The following PCYT1B variants were observed in gnomAD, a reference collection of about 807,000 sequenced individuals.
PCYT1B encodes phosphate cytidylyltransferase 1B, choline.
A neutral mutation model predicts 26.4 loss-of-function variants in PCYT1B; 10 were observed. The ratio of observed to expected loss-of-function variants is 0.38; its 90% CI spans 0.23 to 0.64. The LOEUF is 0.64. PCYT1B is among the 30% of genes least tolerant of loss of function. The pLI, the probability that PCYT1B is intolerant of heterozygous loss-of-function variation, is 0.56. For synonymous variants in PCYT1B, 131 were observed against 108.4 expected, an observed-to-expected ratio of 1.21 and a Z score of -1.29; for missense variants, 161 against 292.7, an observed-to-expected ratio of 0.55 and a Z score of 3.28.
At chrX:24,581,450 T>C (rs1394648954) in intron 5 of PCYT1B, among the ~76,000 whole-genome samples, 1 of 111,637 alleles carries the variant, frequency 9.0e-6, no homozygotes, top group East Asian at 2.8e-4. Flanking sequence ...TCCCCTCCCC[T>C]CACTCTGCCA....
At chrX:24,600,315 C>T (rs1039632136) in intron 3 of PCYT1B, among the ~76,000 whole-genome samples, 3 of 111,582 alleles carry the variant, frequency 2.7e-5, no homozygotes, top group African/African-American at 9.8e-5. Flanking sequence ...ACTGAACAAA[C>T]TGACAAATCT....
chrX:24,604,172 C>T (rs75234729), intron 3 of PCYT1B, among the ~76,000 whole-genome samples: 3 of 109,308 alleles, frequency 2.7e-5, no homozygotes, highest in South Asian at 4.0e-4. Context: ...CTGCAACCTC[C>T]GCCTCCCAGG....
chrX:24,624,775 G>A (rs1052161398), intron 1 of PCYT1B, among the ~76,000 whole-genome samples: 1 of 112,178 alleles, frequency 8.9e-6, no homozygotes, highest in African/African-American at 3.2e-5. Context: ...TGAGGTTCTG[G>A]TAACCACACT....
chrX:24,609,171 CT>C lies in PCYT1B; in HGVS notation c.218-1311del, dbSNP rs779135564. ...ACAATAGTGTTTTTTGTTTTGTTTTCTTTTTTTTTTTCTTTTTGAGACAGAG... is the reference window on the plus strand; with the variant it reads ...ACAATAGTGTTTTTTGTTTTGTTTTCTTTTTTTTTTCTTTTTGAGACAGAG... On this transcript the variant is annotated intron_variant, in intron 2 of 7. Coordinates refer to ENST00000379144, the MANE Select transcript of PCYT1B (RefSeq NM_004845.5). Among the ~76,000 whole-genome samples the C allele has an allele frequency of 8.1e-4, 85 of 105,317 alleles. 1 individual carries two copies. Among genetic ancestry groups the C allele is most frequent in the African/African-American group, 2.1e-3 (61 of 29,316 alleles). 91.5% of individuals were successfully genotyped at this position (105,317 alleles called of 115,157 possible). A position where few individuals can be genotyped will look rare whatever the true frequency, so the allele number is the denominator to read the frequency against.
At chrX:24,585,109 T>C (rs762661433) in intron 5 of PCYT1B, among the ~76,000 whole-genome samples, 1 of 110,237 alleles carries the variant, frequency 9.1e-6, no homozygotes, top group Non-Finnish European at 1.9e-5. Context: ...CTCTGGGAGT[T>C]GAGGGGAGGA....
At chrX:24,659,381 C>A (rs1024063435) in intron 1 of PCYT1B, among the ~76,000 whole-genome samples, 1 of 111,002 alleles carries the variant, frequency 9.0e-6, no homozygotes, top group Non-Finnish European at 1.9e-5. Flanking sequence ...AAAGTGGCAT[C>A]AAATGGGTTC....
chrX:24,665,917 G>T (rs927758186), intron 1 of PCYT1B, among the ~76,000 whole-genome samples: 4 of 110,451 alleles, frequency 3.6e-5, no homozygotes, highest in Admixed American at 9.7e-5. Context: ...GTTGTAGAAG[G>T]TTGAGTCTGC....
chrX:24,593,819 G>A (rs1261477904), intron 3 of PCYT1B, among the ~76,000 whole-genome samples: 1 of 111,078 alleles, frequency 9.0e-6, no homozygotes, highest in Non-Finnish European at 1.9e-5. Flanking sequence ...GAGCCACCGC[G>A]CCTGGCCTAC....
At chrX:24,617,987 A>G (rs376999548) in intron 2 of PCYT1B, among the ~76,000 whole-genome samples, 1 of 111,903 alleles carries the variant, frequency 8.9e-6, no homozygotes, top group East Asian at 2.8e-4. Context: ...CTCAGGCCAA[A>G]TGAATCTGCC....
intron 5 of PCYT1B, among the ~76,000 whole-genome samples, chrX:24,583,164 C>T (rs969448346): frequency 1.2e-4 from 14 of 112,202 alleles, no homozygotes; most frequent in East Asian, 5.6e-4. Context: ...GTGACTTCCA[C>T]GACTAAGTCA....
rs771303137 is a variant in PCYT1B, at chrX:24,590,208, C to T, written c.335-34G>A. 8 of 1,177,596 alleles carry T rather than the reference C, an allele frequency of 6.8e-6. No homozygotes were observed. The Admixed American group carries it at 1.4e-4, about 20-fold the overall frequency. ...GGCAAATGCATTAAATGCCATTACT[C>T]GGCCCAGGACCTGCTCACAGCCACC... is the stretch of plus-strand genomic sequence containing the variant. On this transcript the variant is annotated intron_variant, in intron 3 of 7. Coordinates refer to ENST00000379144, the MANE Select transcript of PCYT1B (RefSeq NM_004845.5).
intron 7 of PCYT1B, among the ~76,000 whole-genome samples, chrX:24,566,549 C>T: frequency 9.0e-6 from 1 of 111,467 alleles, no homozygotes; most frequent in East Asian, 2.8e-4. Context: ...ATTTTCAGTC[C>T]CTTCTTTACT....
intron 1 of PCYT1B, among the ~76,000 whole-genome samples, chrX:24,664,850 C>T (rs1213202044): frequency 3.6e-5 from 4 of 111,554 alleles, no homozygotes; most frequent in Admixed American, 2.9e-4. Flanking sequence ...CCCAGCTACT[C>T]GGGAACCTGA....
intron 1 of PCYT1B, among the ~76,000 whole-genome samples, chrX:24,631,164 C>T (rs1213293361): frequency 1.8e-5 from 2 of 111,271 alleles, no homozygotes; most frequent in Non-Finnish European, 3.8e-5. Flanking sequence ...CCTCGTGATC[C>T]GCCTGCCTCG....
At chrX:24,601,603 G>GA (rs201605201) in intron 3 of PCYT1B, among the ~76,000 whole-genome samples, 1,330 of 106,260 alleles carry the variant, frequency 0.013, 12 homozygotes, top group Non-Finnish European at 0.019. Context: ...TCAACAATAA[G>GA]AAAAAAAACA....
intron 3 of PCYT1B, among the ~76,000 whole-genome samples, chrX:24,597,617 C>T (rs186455227): frequency 1.6e-3 from 181 of 112,019 alleles, no homozygotes; most frequent in Non-Finnish European, 2.6e-3. Flanking sequence ...GGGTGGAGGG[C>T]GATTTAGCCT....
In PCYT1B at chrX:24,559,191, C is replaced by G. The variant is rs976988120; in HGVS notation, c.*3102G>C. On this transcript the variant is annotated 3_prime_UTR_variant, in exon 8 of 8. Transcript: ENST00000379144. Reference sequence around the variant, plus strand: ...AATTAGCTGGGTGTCGTGGCAGGCACCTGTAATCCCAGCTACTTGGGAGGC... The same window carrying G: ...AATTAGCTGGGTGTCGTGGCAGGCAGCTGTAATCCCAGCTACTTGGGAGGC... 3 of 109,600 alleles carry G rather than the reference C, an allele frequency of 2.7e-5. No individual in the cohort carries two copies. The highest frequency in any genetic ancestry group is 1.0e-4 in the African/African-American group (3 of 30,092). 9.0% of individuals were successfully genotyped at this position (109,600 alleles called of 1,213,427 possible).
intron 5 of PCYT1B, among the ~76,000 whole-genome samples, chrX:24,586,038 T>C (rs1924362329): frequency 8.9e-6 from 1 of 111,901 alleles, no homozygotes; most frequent in African/African-American, 3.2e-5. Flanking sequence ...CCAGACACGC[T>C]GTGCTTCATA....
chrX:24,635,639 G>A (rs942099244), intron 1 of PCYT1B, among the ~76,000 whole-genome samples: 1 of 111,550 alleles, frequency 9.0e-6, no homozygotes, highest in Non-Finnish European at 1.9e-5. Context: ...CTTTACCCTT[G>A]GACCTCTGAT....
Sources: gnomAD v4.1 joint callset for allele counts (sites outside exome capture counted in the v4.1 genomes callset) on GRCh38, gnomAD v4.1.1 for gene constraint, MANE v1.5 for transcripts, NCBI Gene and HGNC (gene_info 2026-07-23, HGNC 2026-07-21) for gene names.